The following ZNF407 variants were observed in gnomAD, a reference collection of about 807,000 sequenced individuals.
The protein encoded by ZNF407 is zinc finger protein 407.
A neutral mutation model predicts 131.2 loss-of-function variants in ZNF407; 17 were observed. The ratio of observed to expected loss-of-function variants is 0.13; its 90% CI spans 0.09 to 0.19. The LOEUF (loss-of-function observed/expected upper bound fraction) is 0.19. Ranked by LOEUF, ZNF407 falls within the 10% of genes least tolerant of loss-of-function variation. ZNF407 has a pLI of 1.00. For missense variants in ZNF407, 2,681 were observed against 2,830.6 expected, an observed-to-expected ratio of 0.95 and a Z score of 1.20; for synonymous variants, 1,156 against 1,062.0, an observed-to-expected ratio of 1.09 and a Z score of -1.72.
intron 7 of ZNF407, among the ~76,000 whole-genome samples, chr18:74,897,195 C>A (rs1396441509): frequency 6.6e-5 from 10 of 152,138 alleles, no homozygotes; most frequent in Non-Finnish European, 1.2e-4. Flanking sequence ...AACAAAACAA[C>A]CTTGTTTAAG....
intron 4 of ZNF407, among the ~76,000 whole-genome samples, chr18:74,853,057 G>T (rs374647588): frequency 6.6e-6 from 1 of 152,088 alleles, no homozygotes; most frequent in South Asian, 2.1e-4. Context: ...GATCATGTTG[G>T]CTAGTATTCG....
At position 74,915,370 on chromosome 18, in the gene ZNF407, G is replaced by A. The variant is rs551221606; in HGVS notation, c.5250-5144G>A. Among the ~76,000 whole-genome samples, 8 of 139,250 alleles carry A rather than the reference G, an allele frequency of 5.7e-5. No individual in the cohort carries two copies. The East Asian group carries it at 1.8e-3, about 31-fold the overall frequency. 91.4% of individuals were successfully genotyped at this position (139,250 alleles called of 152,430 possible). ...TGTGTGTGCATGTGTGTGCTGGTAT[G>A]GTGAGGTTGTATGCAGCATTGGTTC... On this transcript the variant is annotated intron_variant, in intron 7 of 8. Coordinates refer to ENST00000299687, the MANE Select transcript of ZNF407 (RefSeq NM_017757.3).
At chr18:75,059,197 C>G (rs528237887) in intron 8 of ZNF407, among the ~76,000 whole-genome samples, 1 of 152,158 alleles carries the variant, frequency 6.6e-6, no homozygotes, top group Non-Finnish European at 1.5e-5. Flanking sequence ...GTAAGTAGTT[C>G]AGAATAGCAT....
chr18:74,844,362 T>G (rs1450624418), intron 4 of ZNF407, among the ~76,000 whole-genome samples: 1 of 152,190 alleles, frequency 6.6e-6, no homozygotes, highest in African/African-American at 2.4e-5. Context: ...AAATCCAGCT[T>G]CCCTCAGGAC....
intron 1 of ZNF407, among the ~76,000 whole-genome samples, chr18:74,615,430 G>A (rs570303034): frequency 6.6e-6 from 1 of 152,156 alleles, no homozygotes; most frequent in Non-Finnish European, 1.5e-5. Flanking sequence ...GCTTGAACCC[G>A]GGGGGCAGAG....
intron 3 of ZNF407, among the ~76,000 whole-genome samples, chr18:74,688,684 A>T (rs1599070699): frequency 6.6e-6 from 1 of 152,162 alleles, no homozygotes; most frequent in South Asian, 2.1e-4. Context: ...ATTTATTTTG[A>T]GTTAATTTTT....
Position 74,703,295 on chromosome 18 carries a change from C to A in ZNF407, c.4802+62173C>A, listed in dbSNP as rs1967542896. On this transcript the variant is annotated intron_variant, in intron 3 of 8. Coordinates refer to ENST00000299687, the MANE Select transcript of ZNF407 (RefSeq NM_017757.3). This position sits in a 1 kb window ranked among gnomAD's most constrained non-coding sequence, Gnocchi z 4.1. ...TAGTTCACAGCCTAGATGAGACGAC[C>A]CATTACAGAGCTACCACAGAGAGTT... is the stretch of plus-strand genomic sequence containing the variant. Among the ~76,000 whole-genome samples the A allele has an allele frequency of 6.6e-6, 1 of 152,134 alleles. No homozygotes were observed. The highest frequency in any genetic ancestry group is 1.5e-5 in the Non-Finnish European group (1 of 68,026).
chr18:74,673,969 A>G (rs940237297), intron 3 of ZNF407, among the ~76,000 whole-genome samples: 2 of 152,210 alleles, frequency 1.3e-5, no homozygotes, highest in African/African-American at 4.8e-5. Context: ...ATATGTACCT[A>G]TAGTTTTAAA....
intron 4 of ZNF407, among the ~76,000 whole-genome samples, chr18:74,815,432 G>T (rs72975424): frequency 0.079 from 11,987 of 152,182 alleles, 617 homozygotes; most frequent in South Asian, 0.17. Flanking sequence ...GTGCACTTTT[G>T]TCTTGTTTGC....
chr18:75,023,341 A>C (rs369518067), intron 8 of ZNF407, among the ~76,000 whole-genome samples: 3 of 152,194 alleles, frequency 2.0e-5, no homozygotes, highest in African/African-American at 7.2e-5. Context: ...AAAAGCCTTG[A>C]ATTAACTATT....
In ZNF407 at chr18:74,889,910, T is replaced by A. The variant is rs368630242; in HGVS notation, c.5129-8T>A. On this transcript the variant is annotated splice_region_variant and splice_polypyrimidine_tract_variant and intron_variant, in intron 6 of 8. Transcript: ENST00000299687. ...TATTCATCTGTAACATTTCTTGATA[T>A]ATTACAGGAGAAAAACCTTTCAAGT... The A allele has an allele frequency of 6.2e-7, 1 of 1,603,292 alleles. No individual in the cohort carries two copies. Among genetic ancestry groups the A allele is most frequent in the Admixed American group, 1.7e-5 (1 of 58,210 alleles).
At chr18:75,037,515 G>A (rs113297112) in intron 8 of ZNF407, among the ~76,000 whole-genome samples, 60 of 151,862 alleles carry the variant, frequency 4.0e-4, no homozygotes, top group African/African-American at 1.4e-3. Context: ...TCTCGATGGC[G>A]CCAAAAGCTG....
At chr18:74,948,267 A>G (rs758947024) in intron 8 of ZNF407, among the ~76,000 whole-genome samples, 3 of 152,148 alleles carry the variant, frequency 2.0e-5, no homozygotes, top group Admixed American at 6.5e-5. Context: ...TTTATGTGCC[A>G]TGGGAGTATC....
intron 8 of ZNF407, among the ~76,000 whole-genome samples, chr18:74,963,309 G>A (rs1972370354): frequency 6.6e-6 from 1 of 152,224 alleles, no homozygotes; most frequent in Admixed American, 6.5e-5. Flanking sequence ...GTATGGTCCT[G>A]TGTAATAATT....
chr18:75,023,698 G>A lies in ZNF407; in HGVS notation c.5429-39452G>A, dbSNP rs750701518. On this transcript the variant is annotated intron_variant, in intron 8 of 8. Transcript: ENST00000299687. ...CTTTCTCTAATTATAGTTGTGAATC[G>A]TCAGCTACTCTAGCTATCTGAGCAC... Among the ~76,000 whole-genome samples the A allele has an allele frequency of 5.3e-5, 8 of 152,026 alleles. No homozygotes were observed. In the East Asian group the frequency reaches 5.8e-4, roughly 11 times the overall value.
chr18:74,644,755 C>T (rs951865278), intron 3 of ZNF407, among the ~76,000 whole-genome samples: 1 of 151,930 alleles, frequency 6.6e-6, no homozygotes, highest in Non-Finnish European at 1.5e-5. Flanking sequence ...CAGTGATGTA[C>T]TTAAATTATT....
chr18:74,924,190 A>G lies in ZNF407; in HGVS notation c.5428+3498A>G, dbSNP rs187386259. On this transcript the variant is annotated intron_variant, in intron 8 of 8. Coordinates refer to ENST00000299687, the MANE Select transcript of ZNF407 (RefSeq NM_017757.3). The stretch of plus-strand genomic sequence containing the variant: ...GAAGTCAGAGTTTATTTGCCCTTGT[A>G]GGCACCAGTCACTGAATGAAGTACA... Among the ~76,000 whole-genome samples, 356 of 152,354 alleles carry G rather than the reference A, an allele frequency of 2.3e-3. 3 individuals are homozygous for G. The highest frequency in any genetic ancestry group is 8.0e-3 in the African/African-American group (332 of 41,594).
intron 8 of ZNF407, among the ~76,000 whole-genome samples, chr18:74,999,363 A>T (rs1422042945): frequency 7.3e-5 from 11 of 150,094 alleles, no homozygotes; most frequent in African/African-American, 2.4e-4. Context: ...AAAAAAAAAA[A>T]AAAAAAAAAA....
intron 8 of ZNF407, among the ~76,000 whole-genome samples, chr18:74,982,509 T>C (rs919053251): frequency 1.2e-4 from 18 of 152,210 alleles, no homozygotes; most frequent in African/African-American, 3.9e-4. Flanking sequence ...TTGCATTCAG[T>C]TCACCACAAT....
Sources: allele counts gnomAD v4.1 joint callset (sites outside exome capture counted in the v4.1 genomes callset), GRCh38; gene constraint gnomAD v4.1.1; non-coding constraint Gnocchi (gnomAD v3.1); transcripts MANE v1.5; gene names NCBI Gene and HGNC (gene_info 2026-07-23, HGNC 2026-07-21).